The following TLN1 variants were observed in gnomAD, a reference collection of about 807,000 sequenced individuals.
The protein encoded by TLN1 is talin 1.
A neutral mutation model predicts 292.3 loss-of-function variants in TLN1; 56 were observed. The observed-to-expected ratio is 0.19, with a 90% CI of 0.15 to 0.24. TLN1 has a LOEUF of 0.24. TLN1 is among the 10% of genes least tolerant of loss of function. The probability of loss-of-function intolerance (pLI) is 1.00; values close to 1 mark genes in which losing one functional copy is unlikely to be tolerated. For synonymous variants in TLN1, 1,119 were observed against 1,253.7 expected (o/e 0.89, Z 2.27); for missense variants, 2,433 against 3,248.2 (o/e 0.75, Z 6.10).
In TLN1 at chr9:35,714,873, C is replaced by T. The variant is rs369955917; in HGVS notation, c.2758G>A (p.Ala920Thr). 1.9e-6 allele frequency: 3 copies of T among 1,574,304 alleles called. No individual in the cohort carries two copies. ...KKKLVQRLEH[A>T]AKQAAASATQ... The stretch of plus-strand genomic sequence containing the variant: ...GCTGAGGCTGCAGCCTGCTTGGCTG[C>T]ATGCTGTGAAGACAAGAGTAGTCAG... The change falls in exon 22 of 57, where the codon GCA becomes ACA. Residue 920 changes from alanine (A) to threonine (T), a missense_variant. By Grantham distance (58) the Ala-to-Thr change is moderately conservative (BLOSUM62 0). Coordinates refer to ENST00000314888, the MANE Select transcript of TLN1 (RefSeq NM_006289.4). This position sits in a 1 kb window ranked among gnomAD's most constrained non-coding sequence, Gnocchi z 4.6.
In TLN1 at chr9:35,712,814, G is replaced by A. The variant is rs763109746; in HGVS notation, c.3561+21C>T. Reference sequence around the variant, plus strand: ...TGAAGGAACCTGGGGGAGAGGGAGTGGCCCTTTCCCAGTATCTGACCTGGG... The same window carrying A: ...TGAAGGAACCTGGGGGAGAGGGAGTAGCCCTTTCCCAGTATCTGACCTGGG... On this transcript the variant is annotated intron_variant, in intron 27 of 56. Coordinates refer to ENST00000314888, the MANE Select transcript of TLN1 (RefSeq NM_006289.4). 7 of 1,547,366 alleles carry A rather than the reference G, an allele frequency of 4.5e-6. No individual in the cohort carries two copies. In the African/African-American group the frequency reaches 9.5e-5, roughly 21 times the overall value.
rs1825673578 is a variant in TLN1, at chr9:35,711,764, T to G, written c.3710A>C (p.Glu1237Ala). 2 of 1,614,028 alleles carry G rather than the reference T, an allele frequency of 1.2e-6. No individual in the cohort carries two copies. Among genetic ancestry groups the G allele is most frequent in the Non-Finnish European group, 1.7e-6 (2 of 1,180,020 alleles). Reference protein sequence around the residue: ...SLPPSTGTFQEAQSRLNEAAA... With the variant: ...SLPPSTGTFQAAQSRLNEAAA... ...AGCTTCATTCAACCGGCTCTGAGCT[T>G]CTTGAAATGTCCCAGTGCTAGGAGG... Residue 1237 changes from glutamate (E) to alanine (A), a missense_variant, in exon 29 of 57, where the codon GAA (glutamate) becomes GCA (alanine). This residue lies in a region of TLN1 where 1,384 missense variants were observed against 1,699.6 expected (regional missense o/e 0.81). Coordinates refer to ENST00000314888, the MANE Select transcript of TLN1 (RefSeq NM_006289.4).
chr9:35,707,361 T>A lies in TLN1; in HGVS notation c.4760A>T (p.Gln1587Leu). 6.2e-7 allele frequency: 1 copy of A among 1,614,116 alleles called. No homozygotes were observed. The highest frequency in any genetic ancestry group is 8.5e-7 in the Non-Finnish European group (1 of 1,180,006). ...SNPEFSSIPA[Q>L]ISPEGRAAME... is the part of the protein sequence containing the mutation. The stretch of plus-strand genomic sequence containing the variant: ...ACATCGCCTCACCTCAGGGCTGATC[T>A]GGGCAGGAATGCTGGAGAACTCAGG... Residue 1587 changes from glutamine (Q) to leucine (L), a missense_variant, in exon 36 of 57, where the codon CAG (glutamine) becomes CTG (leucine). This residue lies in a region of TLN1 where 1,384 missense variants were observed against 1,699.6 expected (regional missense o/e 0.81). Coordinates refer to ENST00000314888, the MANE Select transcript of TLN1 (RefSeq NM_006289.4). The surrounding 1 kb of genome is among the most constrained non-coding windows in gnomAD (Gnocchi z 5.6).
rs747927980 is a variant in TLN1 at position 35,704,133 on chromosome 9, G to A, written c.6089C>T (p.Thr2030Ile). 3 of 1,611,930 alleles carry A rather than the reference G, an allele frequency of 1.9e-6. No individual in the cohort carries two copies. Among genetic ancestry groups the A allele is most frequent in the Non-Finnish European group, 2.5e-6 (3 of 1,178,876 alleles). The change falls in exon 46 of 57, where the codon ACC (threonine) becomes ATC (isoleucine). Residue 2030 changes from threonine to isoleucine, a missense_variant. Physicochemically the swap from Thr to Ile is moderately conservative, Grantham distance 89. This residue lies in a region of TLN1 where 1,384 missense variants were observed against 1,699.6 expected (regional missense o/e 0.81). Transcript: ENST00000314888. This position sits in a 1 kb window ranked among gnomAD's most constrained non-coding sequence, Gnocchi z 6.9. ...AGCTGCGTTTTGCACCAGGACCTTG[G>A]TGTCCTCCACCAGCACCTTCGCAGT... ...LKTAKVLVED[T>I]KVLVQNAAGS...
In TLN1 at chr9:35,714,705, A is replaced by G. The variant is rs1478552937; in HGVS notation, c.2872-18T>C. The G allele has an allele frequency of 3.1e-6, 5 of 1,613,644 alleles. No homozygotes were observed. The South Asian group carries it at 4.4e-5, about 14-fold the overall frequency. ...GCCACTGCCTGTAGGTGAAAATGTC[A>G]TAAGAGACCCACAAGTCTCCCTCTT... On this transcript the variant is annotated intron_variant, in intron 22 of 56. Transcript: ENST00000314888. The surrounding 1 kb of genome is among the most constrained non-coding windows in gnomAD (Gnocchi z 4.6).
chr9:35,707,338 ATCGCCTCACC>A lies in TLN1; in HGVS notation c.4773_4773+9del. The A allele has an allele frequency of 6.2e-7, 1 of 1,613,244 alleles. No individual in the cohort carries two copies. ...GCTGGCCCATCAGTTCCCCCTTCAC[ATCGCCTCACC>A]TCAGGGCTGATCTGGGCAGGAATGC... is the stretch of plus-strand genomic sequence containing the variant. On this transcript the variant is annotated splice_donor_variant and splice_donor_5th_base_variant and coding_sequence_variant and intron_variant, in exon 36 of 57. Coordinates refer to ENST00000314888, the MANE Select transcript of TLN1 (RefSeq NM_006289.4). LOFTEE classifies it high-confidence loss of function. The surrounding 1 kb of genome is among the most constrained non-coding windows in gnomAD (Gnocchi z 5.6).
At chr9:35,708,776 T>C (rs1417544469) in intron 33 of TLN1, among the ~76,000 whole-genome samples, 1 of 152,252 alleles carries the variant, frequency 6.6e-6, no homozygotes, top group Non-Finnish European at 1.5e-5. Flanking sequence ...GATATGTTTG[T>C]GTATGTTGGG....
chr9:35,703,374 G>T (rs1299866393), intron 48 of TLN1, among the ~76,000 whole-genome samples, 186 bp downstream of exon 48: 1 of 152,182 alleles, frequency 6.6e-6, no homozygotes, highest in Non-Finnish European at 1.5e-5. Flanking sequence ...GACAAGAGGA[G>T]AGGGCTGAGA....
At position 35,697,777 on chromosome 9, in the gene TLN1, T is replaced by C. The variant is rs1255554215; in HGVS notation, c.*14A>G. Reference sequence around the variant, plus strand: ...GTCTCTGGGCCGGGTCTGCATTAAATAGAAGAGGCTTCTTTAGTGCTCATC... The same window carrying C: ...GTCTCTGGGCCGGGTCTGCATTAAACAGAAGAGGCTTCTTTAGTGCTCATC... On this transcript the variant is annotated 3_prime_UTR_variant, in exon 57 of 57. Transcript: ENST00000314888. 3.1e-6 allele frequency: 5 copies of C among 1,613,660 alleles called. No individual in the cohort carries two copies. The African/African-American group carries it at 4.0e-5, about 13-fold the overall frequency.
At chr9:35,720,689 G>A (rs1413295711) in intron 11 of TLN1, 123 bp downstream of exon 11, 2 of 1,042,618 alleles carry the variant, frequency 1.9e-6, no homozygotes, top group Non-Finnish European at 2.9e-6. Context: ...GCAGAGGCAA[G>A]ATCTCGGCTC....
intron 48 of TLN1, among the ~76,000 whole-genome samples, chr9:35,701,853 G>A (rs745421598): frequency 3.8e-4 from 58 of 152,194 alleles, no homozygotes; most frequent in Non-Finnish European, 5.7e-4. Context: ...TTACTAAGAG[G>A]TGCCATTTAC....
intron 20 of TLN1, among the ~76,000 whole-genome samples, chr9:35,715,650 G>T (rs1006352934): frequency 6.6e-6 from 1 of 152,218 alleles, no homozygotes; most frequent in African/African-American, 2.4e-5. Flanking sequence ...GGCAGCAGAG[G>T]CCCCAGAGAC....
chr9:35,726,345 A>G (rs1816709318), intron 1 of TLN1, among the ~76,000 whole-genome samples: 1 of 152,236 alleles, frequency 6.6e-6, no homozygotes, highest in South Asian at 2.1e-4. Context: ...CTTTCATCCA[A>G]GTATCTCTCT....
rs1023434989 is a variant in TLN1 at position 35,707,626 on chromosome 9, C to T, written c.4632+105G>A. On this transcript the variant is annotated intron_variant, in intron 35 of 56. Transcript: ENST00000314888. This position sits in a 1 kb window ranked among gnomAD's most constrained non-coding sequence, Gnocchi z 5.6. ...TCAGTCTGAATAGAAAGAGCTTGGGCTCAGGCAGAGGGGATTTGGTAGAAG... is the reference window on the plus strand; with the variant it reads ...TCAGTCTGAATAGAAAGAGCTTGGGTTCAGGCAGAGGGGATTTGGTAGAAG... The T allele has an allele frequency of 1.1e-5, 17 of 1,583,554 alleles. No individual in the cohort carries two copies. The Admixed American group carries it at 2.9e-4, about 27-fold the overall frequency.
At chr9:35,711,456 T>C in intron 29 of TLN1, 62 bp from the exon 30 acceptor site, 3 of 1,609,910 alleles carry the variant, frequency 1.9e-6, no homozygotes, top group Non-Finnish European at 2.5e-6. Flanking sequence ...CTAAAAGGGA[T>C]CTTCTTTCCC....
At position 35,697,224 on chromosome 9, in the gene TLN1, G is replaced by C. The variant is rs534485307; in HGVS notation, c.*567C>G. 6.5e-6 allele frequency: 1 copy of C among 153,218 alleles called. No homozygotes were observed. Among genetic ancestry groups the C allele is most frequent in the South Asian group, 2.1e-4 (1 of 4,872 alleles). 9.5% of individuals were successfully genotyped at this position (153,218 alleles called of 1,614,324 possible). On this transcript the variant is annotated 3_prime_UTR_variant, in exon 57 of 57. Transcript: ENST00000314888. ...AAGGGACCTCAGGTGCAGACTGCCA[G>C]TCTTCCCCTCTCCCATTTCAAGCTG...
intron 20 of TLN1, 99 bp from the exon 21 acceptor site, chr9:35,715,286 T>C: frequency 2.0e-6 from 3 of 1,478,264 alleles, no homozygotes; most frequent in Non-Finnish European, 2.7e-6. Context: ...AATTCATGTA[T>C]TTTCCTGAAG....
intron 1 of TLN1, among the ~76,000 whole-genome samples, chr9:35,727,334 A>G (rs1166446439): frequency 1.3e-5 from 2 of 152,220 alleles, no homozygotes; most frequent in Non-Finnish European, 2.9e-5. Context: ...AAGAAGGGGT[A>G]GAGGGTAAAG....
At chr9:35,722,744 C>A (rs1396164114) in intron 8 of TLN1, 117 bp downstream of exon 8, 2 of 1,000,612 alleles carry the variant, frequency 2.0e-6, no homozygotes, top group East Asian at 4.8e-5. Flanking sequence ...GATAACAGCC[C>A]GGTGGGTGAA....
Sources: allele counts gnomAD v4.1 joint callset (sites outside exome capture counted in the v4.1 genomes callset), GRCh38; gene constraint gnomAD v4.1.1; regional missense constraint gnomAD v4.1.1; non-coding constraint Gnocchi (gnomAD v3.1); transcripts MANE v1.5; gene names NCBI Gene and HGNC (gene_info 2026-07-23, HGNC 2026-07-21).